ARMH3: variants seen among roughly 807,000 people sequenced by gnomAD.
The protein encoded by ARMH3 is armadillo like helical domain containing 3.
In ARMH3, 60 loss-of-function variants were observed where a neutral mutation model predicts 99.1. The ratio of observed to expected loss-of-function variants is 0.61; its 90% CI spans 0.49 to 0.75. ARMH3 has a LOEUF of 0.75. Among genes scored for constraint, ARMH3 ranks in the 30% least tolerant of loss-of-function variants. ARMH3 has a pLI of 0.00. For missense variants in ARMH3, 679 were observed against 843.1 expected (o/e 0.81, Z 2.41); for synonymous variants, 285 against 292.8 (o/e 0.97, Z 0.27).
chr10:101,960,727 A>T (rs1479285852), intron 20 of ARMH3, among the ~76,000 whole-genome samples: 2 of 151,696 alleles, frequency 1.3e-5, no homozygotes, highest in Non-Finnish European at 2.9e-5. Flanking sequence ...CGTCTCTACT[A>T]AAAAATACAA....
intron 23 of ARMH3, among the ~76,000 whole-genome samples, chr10:101,929,504 GGAAA>G (rs1282552637): frequency 6.6e-6 from 1 of 152,160 alleles, no homozygotes; most frequent in Non-Finnish European, 1.5e-5. Flanking sequence ...CACTTTCTCA[GGAAA>G]GAGTGTCCTC....
intron 24 of ARMH3, among the ~76,000 whole-genome samples, chr10:101,852,860 C>T (rs2066636895): frequency 6.6e-6 from 1 of 151,554 alleles, no homozygotes; most frequent in African/African-American, 2.4e-5. Context: ...TGCCCGTTGC[C>T]ACCTCCCCCT....
intron 20 of ARMH3, among the ~76,000 whole-genome samples, chr10:101,968,495 T>C (rs1845632106): frequency 1.3e-5 from 2 of 152,166 alleles, no homozygotes; most frequent in South Asian, 4.1e-4. Flanking sequence ...GAAACTAATA[T>C]AGGCAGAGTA....
chr10:101,896,375 T>G (rs1263911616), intron 23 of ARMH3, among the ~76,000 whole-genome samples: 2 of 152,236 alleles, frequency 1.3e-5, no homozygotes, highest in Non-Finnish European at 2.9e-5. Context: ...TATGCAAATT[T>G]GTAGAAGCAG....
chr10:101,871,231 T>C (rs940853698), intron 24 of ARMH3, among the ~76,000 whole-genome samples: 2 of 152,200 alleles, frequency 1.3e-5, no homozygotes, highest in Non-Finnish European at 2.9e-5. Flanking sequence ...ATTATGGATA[T>C]GAAAACAGTA....
chr10:101,876,146 G>C (rs1001766121), intron 24 of ARMH3, among the ~76,000 whole-genome samples: 1 of 151,404 alleles, frequency 6.6e-6, no homozygotes, highest in Admixed American at 6.6e-5. Context: ...CTACTCAGGA[G>C]GCTGAGGCAG....
At chr10:101,893,426 T>A (rs2067741291) in intron 23 of ARMH3, among the ~76,000 whole-genome samples, 1 of 151,490 alleles carries the variant, frequency 6.6e-6, no homozygotes, top group Non-Finnish European at 1.5e-5. Context: ...GAACTAGAGG[T>A]TTTGTTCTTG....
intron 20 of ARMH3, among the ~76,000 whole-genome samples, chr10:101,974,215 A>G (rs1242230604): frequency 6.6e-6 from 1 of 152,194 alleles, no homozygotes; most frequent in Admixed American, 6.5e-5. Context: ...AAAGATCTCT[A>G]CTTCCCATTA....
chr10:101,881,296 T>G (rs1222527886), intron 24 of ARMH3, among the ~76,000 whole-genome samples: 2 of 151,986 alleles, frequency 1.3e-5, no homozygotes, highest in Non-Finnish European at 2.9e-5. Context: ...ATTTCTAAAT[T>G]TATATGTAGA....
intron 1 of ARMH3, among the ~76,000 whole-genome samples, chr10:102,044,579 C>G (rs1482291253): frequency 6.6e-6 from 1 of 151,734 alleles, no homozygotes; most frequent in African/African-American, 2.4e-5. Flanking sequence ...GCCATGTTGC[C>G]CTGGCTGGTC....
intron 22 of ARMH3, among the ~76,000 whole-genome samples, chr10:101,940,781 C>A (rs760891882): frequency 2.0e-5 from 3 of 151,436 alleles, no homozygotes; most frequent in Admixed American, 6.6e-5. Context: ...TGACCAAATT[C>A]TCTCCCTTTT....
intron 24 of ARMH3, among the ~76,000 whole-genome samples, chr10:101,888,410 T>TA (rs1445869038): frequency 1.3e-5 from 2 of 152,172 alleles, no homozygotes; most frequent in African/African-American, 4.8e-5. Flanking sequence ...GACAGACTAA[T>TA]AGAGTCCTAT....
chr10:101,937,412 G>A (rs773242032), intron 23 of ARMH3, among the ~76,000 whole-genome samples: 16 of 152,036 alleles, frequency 1.1e-4, no homozygotes, highest in Non-Finnish European at 1.9e-4. Context: ...CCACCTACTT[G>A]GGAGGCTGAG....
At chr10:101,899,957 GAGA>G (rs1490789178) in intron 23 of ARMH3, among the ~76,000 whole-genome samples, 1 of 152,058 alleles carries the variant, frequency 6.6e-6, no homozygotes. Flanking sequence ...AATGTAAATG[GAGA>G]AGAATGAACC....
chr10:102,029,514 G>A, intron 5 of ARMH3, 124 bp downstream of exon 5: 1 of 1,591,996 alleles, frequency 6.3e-7, no homozygotes, highest in East Asian at 2.3e-5. Context: ...CTAAATGCAA[G>A]GCCAAATTCA....
At chr10:101,976,383 A>ATCTCTC (rs542700143) in intron 19 of ARMH3, among the ~76,000 whole-genome samples, 1,845 of 131,324 alleles carry the variant, frequency 0.014, 16 homozygotes, top group Middle Eastern at 0.043. Context: ...AGATTAATCA[A>ATCTCTC]TCTCTCTCTC....
intron 19 of ARMH3, among the ~76,000 whole-genome samples, chr10:101,985,842 C>T (rs1380852835): frequency 1.3e-5 from 2 of 152,074 alleles, no homozygotes; most frequent in Middle Eastern, 3.4e-3. Flanking sequence ...CATGGTGAAA[C>T]CCTGTCTCTA....
chr10:101,923,121 G>A (rs1843368084), intron 23 of ARMH3, among the ~76,000 whole-genome samples: 1 of 152,114 alleles, frequency 6.6e-6, no homozygotes, highest in Non-Finnish European at 1.5e-5. Flanking sequence ...TGGACTCCAG[G>A]GAGAAATGTA....
intron 24 of ARMH3, among the ~76,000 whole-genome samples, chr10:101,853,648 C>T (rs2066661954): frequency 6.6e-6 from 1 of 152,226 alleles, no homozygotes; most frequent in Admixed American, 6.5e-5. Context: ...TACCTTCTTT[C>T]ATCGGCCGTT....
Sources: allele counts gnomAD v4.1 joint callset (sites outside exome capture counted in the v4.1 genomes callset), GRCh38; gene constraint gnomAD v4.1.1; transcripts MANE v1.5; gene names NCBI Gene and HGNC (gene_info 2026-07-23, HGNC 2026-07-21).